Variants in STXBP5L observed in about 807,000 individuals in gnomAD.
The protein encoded by STXBP5L is syntaxin binding protein 5L.
In STXBP5L, 65 loss-of-function variants were observed where a neutral mutation model predicts 144.5. The ratio of observed to expected loss-of-function variants is 0.45; its 90% CI spans 0.37 to 0.55. The LOEUF is 0.55. Among genes scored for constraint, STXBP5L ranks in the 20% least tolerant of loss-of-function variants. The pLI, the probability that STXBP5L is intolerant of heterozygous loss-of-function variation, is 0.00. For missense variants in STXBP5L, 1,298 were observed against 1,405.5 expected (o/e 0.92, Z 1.22); for synonymous variants, 505 against 469.6 (o/e 1.08, Z -0.97).
At chr3:121,054,679 T>G (rs1368758217) in intron 5 of STXBP5L, among the ~76,000 whole-genome samples, 2 of 151,964 alleles carry the variant, frequency 1.3e-5, no homozygotes, top group Non-Finnish European at 2.9e-5. Flanking sequence ...ACATGGCATA[T>G]GTATACATAT....
intron 5 of STXBP5L, among the ~76,000 whole-genome samples, chr3:121,059,690 C>T (rs1000232586): frequency 3.3e-5 from 5 of 152,164 alleles, no homozygotes; most frequent in African/African-American, 4.8e-5. Flanking sequence ...AGGTCCTTCA[C>T]ATCCCTTGTA....
chr3:121,007,688 T>G (rs564777750), intron 3 of STXBP5L, among the ~76,000 whole-genome samples: 3 of 152,166 alleles, frequency 2.0e-5, no homozygotes, highest in Non-Finnish European at 4.4e-5. Flanking sequence ...GTTGTTTACA[T>G]AGGCAGAATG....
At chr3:121,129,106 G>A (rs2044853732) in intron 7 of STXBP5L, among the ~76,000 whole-genome samples, 1 of 151,902 alleles carries the variant, frequency 6.6e-6, no homozygotes, top group Non-Finnish European at 1.5e-5. Flanking sequence ...GATAGACGGA[G>A]TTTTGGCCCA....
intron 20 of STXBP5L, among the ~76,000 whole-genome samples, chr3:121,367,684 A>G (rs1223708596): frequency 7.4e-6 from 1 of 134,604 alleles, no homozygotes; most frequent in East Asian, 2.2e-4. Context: ...CATGGCTTCT[A>G]GCAGCCTTAA....
chr3:121,005,366 T>C (rs555249621), intron 3 of STXBP5L, among the ~76,000 whole-genome samples: 3 of 152,316 alleles, frequency 2.0e-5, no homozygotes, highest in East Asian at 1.9e-4. Context: ...TCTCTGATGG[T>C]AGTTTGTATT....
intron 3 of STXBP5L, among the ~76,000 whole-genome samples, chr3:121,008,836 A>T (rs1944551470): frequency 6.6e-6 from 1 of 152,076 alleles, no homozygotes; most frequent in South Asian, 2.1e-4. Flanking sequence ...GGTCCAGCAC[A>T]AGGAAAATCC....
intron 20 of STXBP5L, among the ~76,000 whole-genome samples, chr3:121,328,932 A>G (rs532817450): frequency 6.6e-6 from 1 of 152,222 alleles, no homozygotes; most frequent in East Asian, 1.9e-4. Context: ...AAAATGGAAT[A>G]TAAAAATATG....
chr3:121,372,559 C>T (rs1442599658), intron 20 of STXBP5L, among the ~76,000 whole-genome samples: 1 of 152,156 alleles, frequency 6.6e-6, no homozygotes, highest in African/African-American at 2.4e-5. Flanking sequence ...CTTGACTGCT[C>T]AACTCACCCC....
intron 9 of STXBP5L, among the ~76,000 whole-genome samples, chr3:121,175,803 C>A (rs979321534): frequency 1.3e-5 from 2 of 151,466 alleles, no homozygotes; most frequent in Non-Finnish European, 2.9e-5. Context: ...GACTCAACTA[C>A]ATGTTGTCTA....
At chr3:120,950,564 T>C (rs1467467214) in intron 2 of STXBP5L, among the ~76,000 whole-genome samples, 2 of 152,118 alleles carry the variant, frequency 1.3e-5, no homozygotes, top group Non-Finnish European at 2.9e-5. Flanking sequence ...CTTTAAGTTT[T>C]AGGGTACATG....
chr3:121,305,911 T>C (rs1173102034), intron 19 of STXBP5L, among the ~76,000 whole-genome samples: 2 of 152,096 alleles, frequency 1.3e-5, no homozygotes, highest in African/African-American at 4.8e-5. Flanking sequence ...ACAAAAATAA[T>C]AAGTGAATTT....
chr3:121,023,060 T>C (rs1327950651), intron 3 of STXBP5L, among the ~76,000 whole-genome samples: 2 of 151,904 alleles, frequency 1.3e-5, no homozygotes, highest in Non-Finnish European at 2.9e-5. Context: ...AGTTTCAAGA[T>C]ACAAAAATAA....
At chr3:120,971,954 T>C (rs1237730656) in intron 3 of STXBP5L, among the ~76,000 whole-genome samples, 1 of 152,058 alleles carries the variant, frequency 6.6e-6, no homozygotes, top group Non-Finnish European at 1.5e-5. Flanking sequence ...ATTGATTCCA[T>C]GACTTTGCTA....
intron 9 of STXBP5L, among the ~76,000 whole-genome samples, chr3:121,164,039 T>A (rs545257195): frequency 6.6e-6 from 1 of 152,194 alleles, no homozygotes; most frequent in East Asian, 1.9e-4. Context: ...ACAATTCTTT[T>A]AATCGTTTAA....
At chr3:121,181,549 C>A (rs948409185) in intron 9 of STXBP5L, among the ~76,000 whole-genome samples, 12 of 152,200 alleles carry the variant, frequency 7.9e-5, no homozygotes, top group African/African-American at 2.9e-4. Context: ...ACCTGGCCAA[C>A]ATGGTGAAAC....
intron 5 of STXBP5L, among the ~76,000 whole-genome samples, chr3:121,056,097 A>G (rs1207965268): frequency 6.6e-6 from 1 of 152,152 alleles, no homozygotes; most frequent in Non-Finnish European, 1.5e-5. Context: ...GAACCTTTGC[A>G]TCTGGTAAGG....
At chr3:121,401,901 A>T (rs1411027301) in intron 22 of STXBP5L, among the ~76,000 whole-genome samples, 2 of 151,986 alleles carry the variant, frequency 1.3e-5, no homozygotes, top group South Asian at 2.1e-4. Flanking sequence ...TAATAAAAAA[A>T]AAAAAAAAAG....
rs2047288663 is a variant in STXBP5L at position 121,418,410 on chromosome 3, G to A, written c.3300G>A (p.Gly1100=). 1.2e-6 allele frequency: 2 copies of A among 1,613,950 alleles called. No individual in the cohort carries two copies. The highest frequency in any genetic ancestry group is 1.7e-6 in the Non-Finnish European group (2 of 1,179,974). Residue 1100 remains glycine (G), a synonymous_variant, in exon 26 of 27, where the codon GGG becomes GGA. Coordinates refer to ENST00000471454, the MANE Select transcript of STXBP5L (RefSeq NM_001308330.2). The part of the protein sequence containing the change: ...QHIPGPGSIE[G]MKGAAGGVMG... ...TTCCTGGACCAGGTAGTATAGAAGGGATGAAAGGCGCTGCTGGAGGGGTGA... is the reference window on the plus strand; with the variant it reads ...TTCCTGGACCAGGTAGTATAGAAGGAATGAAAGGCGCTGCTGGAGGGGTGA...
intron 2 of STXBP5L, among the ~76,000 whole-genome samples, chr3:120,922,514 G>A (rs1231825022): frequency 6.6e-6 from 1 of 151,984 alleles, no homozygotes; most frequent in East Asian, 1.9e-4. Flanking sequence ...ACTAAAAGTG[G>A]TGAAAGTGGG....
Sources: allele counts gnomAD v4.1 joint callset (sites outside exome capture counted in the v4.1 genomes callset), GRCh38; gene constraint gnomAD v4.1.1; transcripts MANE v1.5; gene names NCBI Gene and HGNC (gene_info 2026-07-23, HGNC 2026-07-21).